Variants in KCNQ1 observed in about 807,000 individuals in gnomAD.
KCNQ1 encodes potassium voltage-gated channel subfamily Q member 1.
In KCNQ1, 49 loss-of-function variants were observed where a neutral mutation model predicts 72.4. That is an observed-to-expected ratio of 0.68 (90% CI 0.54 to 0.86). The LOEUF (loss-of-function observed/expected upper bound fraction) is 0.86. Ranked by LOEUF, KCNQ1 falls within the 40% of genes least tolerant of loss-of-function variation. The probability of loss-of-function intolerance (pLI) is 0.00; values close to 1 mark genes in which losing one functional copy is unlikely to be tolerated. For synonymous variants in KCNQ1, 450 were observed against 412.6 expected (o/e 1.09, Z -1.10); for missense variants, 790 against 945.1 (o/e 0.84, Z 2.15).
Position 2,695,452 on chromosome 11 carries a change from A to T in KCNQ1, c.1514+33371A>T, listed in dbSNP as rs1376960823. ...TTTCTGTTTGGCATTTGTGTCACTC[A>T]GCACTGTGTTTCCACGCGTCTCTAT... On this transcript the variant is annotated intron_variant, in intron 11 of 15. Transcript: ENST00000155840. This position sits in a 1 kb window ranked among gnomAD's most constrained non-coding sequence, Gnocchi z 5.2. 2.5e-6 allele frequency: 1 copy of T among 398,478 alleles called. No individual in the cohort carries two copies. Among genetic ancestry groups the T allele is most frequent in the East Asian group, 3.6e-5 (1 of 28,092 alleles). The allele number at this position is 398,478 out of a possible 1,614,324, so 24.7% of individuals were successfully genotyped here.
intron 10 of KCNQ1, chr11:2,644,768 G>C: frequency 2.5e-6 from 1 of 398,582 alleles, no homozygotes. Flanking sequence ...TTTTGATTCT[G>C]GGTGCCTGCA....
chr11:2,810,659 C>T (rs1847467539), intron 15 of KCNQ1, among the ~76,000 whole-genome samples: 1 of 152,200 alleles, frequency 6.6e-6, no homozygotes, highest in African/African-American at 2.4e-5. Context: ...ATTCCTTGAT[C>T]TTCTGTTTAT....
intron 15 of KCNQ1, among the ~76,000 whole-genome samples, chr11:2,789,995 C>G (rs1319250199): frequency 6.6e-6 from 1 of 152,210 alleles, no homozygotes; most frequent in Non-Finnish European, 1.5e-5. Flanking sequence ...TTGCCAGAGG[C>G]TGGCAAAGGG....
intron 1 of KCNQ1, among the ~76,000 whole-genome samples, chr11:2,506,087 C>T (rs866578194): frequency 2.0e-5 from 3 of 152,206 alleles, no homozygotes; most frequent in African/African-American, 4.8e-5. Context: ...CGCACTCCTA[C>T]GTTTACTGCG....
chr11:2,524,481 G>A (rs1847459893), intron 1 of KCNQ1, among the ~76,000 whole-genome samples: 1 of 152,194 alleles, frequency 6.6e-6, no homozygotes, highest in African/African-American at 2.4e-5. Flanking sequence ...GTCTCGTGGG[G>A]GTCTGTGTTA....
At chr11:2,585,072 C>A in intron 7 of KCNQ1, 140 bp from the exon 8 acceptor site, 1 of 759,854 alleles carries the variant, frequency 1.3e-6, no homozygotes. Context: ...GCAGGCTGGG[C>A]CCGAGGTGGG....
chr11:2,740,714 C>T (rs1434706249), intron 11 of KCNQ1, among the ~76,000 whole-genome samples: 4 of 152,226 alleles, frequency 2.6e-5, no homozygotes, highest in Non-Finnish European at 4.4e-5. Context: ...CAGTTTCCTG[C>T]TCCTAGGGGC....
chr11:2,799,375 A>AGTGT (rs3079043), intron 15 of KCNQ1, among the ~76,000 whole-genome samples: 1,681 of 147,382 alleles, frequency 0.011, 17 homozygotes, highest in South Asian at 0.041. Flanking sequence ...TGTAAGTTCG[A>AGTGT]GTGTGTGTGT....
In KCNQ1 at chr11:2,558,100, A is replaced by G. The variant is rs183716393; in HGVS notation, c.478-12528A>G. On this transcript the variant is annotated intron_variant, in intron 2 of 15. Coordinates refer to ENST00000155840, the MANE Select transcript of KCNQ1 (RefSeq NM_000218.3). ...CTAAATAGCCAGAAAGAAGAGATTG[A>G]TGTGGGAAGTGCGGGCCCTGTAGGG... 4.2e-3 allele frequency among the ~76,000 whole-genome samples: 637 copies of G among 152,354 alleles called. 3 individuals carry two copies. Among genetic ancestry groups the G allele is most frequent in the African/African-American group, 0.015 (609 of 41,586 alleles).
At chr11:2,590,739 T>C (rs1848660764) in intron 10 of KCNQ1, among the ~76,000 whole-genome samples, 1 of 152,190 alleles carries the variant, frequency 6.6e-6, no homozygotes, top group African/African-American at 2.4e-5. Context: ...GACCCCACCC[T>C]GGAGGGCCTG....
chr11:2,807,414 G>C (rs1215447986), intron 15 of KCNQ1, among the ~76,000 whole-genome samples: 1 of 152,216 alleles, frequency 6.6e-6, no homozygotes, highest in Non-Finnish European at 1.5e-5. Context: ...GAGCGGGACT[G>C]TGCCGCCCGC....
intron 15 of KCNQ1, among the ~76,000 whole-genome samples, chr11:2,798,416 T>G (rs952546500): frequency 2.6e-5 from 4 of 152,124 alleles, no homozygotes; most frequent in African/African-American, 9.7e-5. Context: ...AAGCCTTCCT[T>G]GGGATCCTCA....
intron 10 of KCNQ1, among the ~76,000 whole-genome samples, chr11:2,590,611 C>T (rs984182984): frequency 6.6e-6 from 1 of 152,236 alleles, no homozygotes; most frequent in African/African-American, 2.4e-5. Context: ...ACAGACATCA[C>T]GCACGTGGGC....
intron 15 of KCNQ1, among the ~76,000 whole-genome samples, chr11:2,845,456 C>T (rs75181610): frequency 0.022 from 3,295 of 152,296 alleles, 141 homozygotes; most frequent in African/African-American, 0.075. Flanking sequence ...GAAGTGCTGG[C>T]GGGTCCTTGG....
At position 2,467,072 on chromosome 11, in the gene KCNQ1, G is replaced by A. The variant is rs368777965; in HGVS notation, c.386+21588G>A. 2.9e-3 allele frequency among the ~76,000 whole-genome samples: 439 copies of A among 152,300 alleles called. 3 individuals carry two copies. The highest frequency in any genetic ancestry group is 0.01 in the African/African-American group (427 of 41,578). ...ACAGATGGGGGCACTCCAGGCAGGG[G>A]CAGGAGGTGACCTGGAGGTCGGAGG... is the stretch of plus-strand genomic sequence containing the variant. On this transcript the variant is annotated intron_variant, in intron 1 of 15. Transcript: ENST00000155840.
At chr11:2,662,236 AC>A in intron 11 of KCNQ1, 155 bp downstream of exon 11, 1 of 950,916 alleles carries the variant, frequency 1.1e-6, no homozygotes, top group Non-Finnish European at 1.6e-6. Context: ...ACACGGAGGC[AC>A]CAGGCAAGAG....
At position 2,509,849 on chromosome 11, in the gene KCNQ1, C is replaced by T. The variant is rs989282976; in HGVS notation, c.387-18079C>T. 1.3e-5 allele frequency among the ~76,000 whole-genome samples: 2 copies of T among 152,092 alleles called. No individual in the cohort carries two copies. Among genetic ancestry groups the T allele is most frequent in the Non-Finnish European group, 2.9e-5 (2 of 68,014 alleles). ...CCCTGGCGGGGCCGGCCAATGGTGGCGTGATGCAGCCTGGCTTGGGAAATG... is the reference window on the plus strand; with the variant it reads ...CCCTGGCGGGGCCGGCCAATGGTGGTGTGATGCAGCCTGGCTTGGGAAATG... On this transcript the variant is annotated intron_variant, in intron 1 of 15. Transcript: ENST00000155840. The surrounding 1 kb of genome is among the most constrained non-coding windows in gnomAD (Gnocchi z 6.3).
chr11:2,841,776 G>A (rs182445514), intron 15 of KCNQ1, among the ~76,000 whole-genome samples: 111 of 152,326 alleles, frequency 7.3e-4, no homozygotes, highest in Admixed American at 2.4e-3. Flanking sequence ...GGGACATGGC[G>A]CCCCTGAGGC....
rs549933985 is a variant in KCNQ1 at position 2,551,360 on chromosome 11, C to T, written c.478-19268C>T. On this transcript the variant is annotated intron_variant, in intron 2 of 15. Coordinates refer to ENST00000155840, the MANE Select transcript of KCNQ1 (RefSeq NM_000218.3). The stretch of plus-strand genomic sequence containing the variant: ...ACGTCATGTGAATGGAATCTCGCGG[C>T]GTGTAGCCTCTGCGCCTGGCTTCTG... Among the ~76,000 whole-genome samples, 10 of 152,320 alleles carry T rather than the reference C, an allele frequency of 6.6e-5. No individual in the cohort carries two copies. In the South Asian group the frequency reaches 1.4e-3, roughly 22 times the overall value.
Sources: gnomAD v4.1 joint callset for allele counts (sites outside exome capture counted in the v4.1 genomes callset) on GRCh38, gnomAD v4.1.1 for gene constraint, Gnocchi (gnomAD v3.1) non-coding constraint, MANE v1.5 for transcripts, NCBI Gene and HGNC (gene_info 2026-07-23, HGNC 2026-07-21) for gene names.